Variants in FAT3 observed in about 807,000 individuals in gnomAD.
FAT3 encodes the protein protocadherin Fat 3.
A neutral mutation model predicts 310.2 loss-of-function variants in FAT3; 95 were observed. That is an observed-to-expected ratio of 0.31 (90% confidence interval 0.26 to 0.36). FAT3 has a LOEUF of 0.36. Ranked by LOEUF, FAT3 falls within the 10% of genes least tolerant of loss-of-function variation. The pLI is 1.00. For missense variants in FAT3, 5,408 were observed against 5,715.6 expected, an observed-to-expected ratio of 0.95 and a Z score of 1.74; for synonymous variants, 2,314 against 2,192.9, an observed-to-expected ratio of 1.06 and a Z score of -1.54.
At chr11:92,805,449 T>A in intron 11 of FAT3, 100 bp downstream of exon 11, 1 of 1,258,902 alleles carries the variant, frequency 7.9e-7, no homozygotes, top group East Asian at 2.5e-5. Flanking sequence ...ACTTCTGCTC[T>A]TATCTGCAAT....
chr11:92,890,450 C>T (rs931771685), intron 27 of FAT3, 41 bp from the exon 28 acceptor site: 10 of 1,569,470 alleles, frequency 6.4e-6, no homozygotes, highest in African/African-American at 1.4e-5. Context: ...GCACCAACTC[C>T]AGTCTAGAGG....
chr11:92,591,921 A>T (rs1037247546), intron 3 of FAT3, among the ~76,000 whole-genome samples: 1 of 152,182 alleles, frequency 6.6e-6, no homozygotes, highest in African/African-American at 2.4e-5. Flanking sequence ...AGTTTGAGGG[A>T]TATAGAATAA....
chr11:92,237,238 A>G (rs1156533358), intron 1 of FAT3, among the ~76,000 whole-genome samples: 1 of 152,192 alleles, frequency 6.6e-6, no homozygotes, highest in African/African-American at 2.4e-5. Flanking sequence ...AGTTCTTTAG[A>G]TGAAAGGGTA....
intron 3 of FAT3, among the ~76,000 whole-genome samples, chr11:92,597,706 C>T (rs1027401818): frequency 2.0e-4 from 30 of 152,066 alleles, no homozygotes; most frequent in African/African-American, 4.8e-5. Context: ...AATGAAATGA[C>T]CCAGGGATGC....
chr11:92,577,942 G>A (rs896574867), intron 3 of FAT3, among the ~76,000 whole-genome samples: 10 of 152,104 alleles, frequency 6.6e-5, no homozygotes, highest in African/African-American at 2.2e-4. Context: ...GACAGATGGA[G>A]AGAGAGAAGA....
chr11:92,278,735 T>A (rs1946345748), intron 1 of FAT3, among the ~76,000 whole-genome samples: 2 of 152,184 alleles, frequency 1.3e-5, no homozygotes, highest in South Asian at 4.1e-4. Flanking sequence ...TGAATCCTAT[T>A]TGCACATAGT....
At chr11:92,467,640 A>AGTCCC (rs1003243151) in intron 2 of FAT3, among the ~76,000 whole-genome samples, 19 of 152,116 alleles carry the variant, frequency 1.2e-4, no homozygotes, top group Non-Finnish European at 2.4e-4. Flanking sequence ...ATGCATCCCC[A>AGTCCC]GTCCCTTAAA....
chr11:92,488,450 G>GCCCCTCCCCCC (rs1952495170), intron 2 of FAT3, among the ~76,000 whole-genome samples: 1 of 9,334 alleles, frequency 1.1e-4, no homozygotes, highest in African/African-American at 1.9e-4. Context: ...AACTAGCACC[G>GCCCCTCCCCCC]CCCCCCCCCC....
intron 3 of FAT3, among the ~76,000 whole-genome samples, chr11:92,598,188 T>G (rs567584780): frequency 6.8e-5 from 10 of 148,086 alleles, no homozygotes; most frequent in Non-Finnish European, 1.0e-4. Context: ...AAAAATTTAT[T>G]TTCATGTATA....
chr11:92,596,075 A>G (rs1341056125), intron 3 of FAT3, among the ~76,000 whole-genome samples: 1 of 152,222 alleles, frequency 6.6e-6, no homozygotes, highest in African/African-American at 2.4e-5. Flanking sequence ...GGTCATCCTT[A>G]TCAATAAATA....
rs910705996 is a variant in FAT3 at position 92,656,583 on chromosome 11, C to CT, written c.3608-40793dup. ...ATGGCTTAGACCACCATTAGTTCTG[C>CT]TTTTTTTTGCCATCCCAGTAATGGG... On this transcript the variant is annotated intron_variant, in intron 3 of 27. Transcript: ENST00000525166. 6.6e-5 allele frequency among the ~76,000 whole-genome samples: 10 copies of CT among 152,052 alleles called. No individual in the cohort carries two copies. The South Asian group carries it at 8.3e-4, about 13-fold the overall frequency.
intron 4 of FAT3, among the ~76,000 whole-genome samples, chr11:92,718,001 G>A (rs547570753): frequency 6.6e-6 from 1 of 152,270 alleles, no homozygotes; most frequent in South Asian, 2.1e-4. Context: ...AGAGCTGGAG[G>A]CTATTTCCAT....
At chr11:92,381,161 T>G (rs186411837) in intron 2 of FAT3, among the ~76,000 whole-genome samples, 1 of 152,200 alleles carries the variant, frequency 6.6e-6, no homozygotes, top group Non-Finnish European at 1.5e-5. Flanking sequence ...TTTATCCAGA[T>G]GTTAAAAGAG....
At chr11:92,345,543 A>C (rs1477870097) in intron 1 of FAT3, among the ~76,000 whole-genome samples, 1 of 152,180 alleles carries the variant, frequency 6.6e-6, no homozygotes, top group African/African-American at 2.4e-5. Flanking sequence ...GGTACCCCCA[A>C]ATCTGAAATT....
chr11:92,836,590 C>T lies in FAT3; in HGVS notation c.10111C>T (p.Gln3371Ter). 6.2e-7 allele frequency: 1 copy of T among 1,613,624 alleles called. No individual in the cohort carries two copies. ...ILLIAEDVDS[Q>*]PNGQIHFSIV... is the part of the protein sequence containing the mutation. ...GCTAATAGCAGAAGATGTAGACAGC[C>T]AGCCCAACGGACAGATTCATTTTTC... The change falls in exon 16 of 28, where the codon CAG becomes TAG. Residue 3371 changes from glutamine to a stop codon, truncating the protein, a stop_gained. Coordinates refer to ENST00000525166, the MANE Select transcript of FAT3 (RefSeq NM_001367949.2). LOFTEE classifies it high-confidence loss of function.
At chr11:92,449,219 C>A (rs1356464213) in intron 2 of FAT3, among the ~76,000 whole-genome samples, 2 of 152,098 alleles carry the variant, frequency 1.3e-5, no homozygotes, top group African/African-American at 4.8e-5. Flanking sequence ...AGAATACAGG[C>A]CAAAGAATTG....
rs911702923 is a variant in FAT3 at position 92,455,890 on chromosome 11, C to G, written c.3293-68744C>G. Among the ~76,000 whole-genome samples the G allele has an allele frequency of 2.0e-5, 3 of 152,114 alleles. No homozygotes were observed. In the South Asian group the frequency reaches 6.2e-4, roughly 31 times the overall value. The stretch of plus-strand genomic sequence containing the variant: ...TTGATGCCTAACTTTTACTTAGCAA[C>G]ATGAAAAAGCTTCTTAGAGAAAATG... On this transcript the variant is annotated intron_variant, in intron 2 of 27. Transcript: ENST00000525166.
intron 24 of FAT3, chr11:92,886,760 C>G: frequency 4.5e-6 from 2 of 448,254 alleles, no homozygotes; most frequent in Non-Finnish European, 8.0e-6. Flanking sequence ...TTTTGGCTGT[C>G]AGCTGTTTGG....
intron 2 of FAT3, among the ~76,000 whole-genome samples, chr11:92,501,505 C>G (rs1952936574): frequency 6.6e-6 from 1 of 151,982 alleles, no homozygotes; most frequent in African/African-American, 2.4e-5. Flanking sequence ...AGACCTAATG[C>G]CATTAAATGG....
Sources: gnomAD v4.1 joint callset for allele counts (sites outside exome capture counted in the v4.1 genomes callset) on GRCh38, gnomAD v4.1.1 for gene constraint, MANE v1.5 for transcripts, NCBI Gene and HGNC (gene_info 2026-07-23, HGNC 2026-07-21) for gene names.